SLC20A1: variants seen among roughly 807,000 people sequenced by gnomAD.
SLC20A1 encodes the protein sodium-dependent phosphate transporter 1.
In SLC20A1, 28 loss-of-function variants were observed where a neutral mutation model predicts 62.7. The ratio of observed to expected loss-of-function variants is 0.45; its 90% CI spans 0.33 to 0.61. SLC20A1 has a LOEUF of 0.61. SLC20A1 is among the 20% of genes least tolerant of loss of function. SLC20A1 has a pLI of 0.02. For missense variants in SLC20A1, 673 were observed against 838.6 expected, an observed-to-expected ratio of 0.80 and a Z score of 2.44; for synonymous variants, 305 against 302.9, an observed-to-expected ratio of 1.01 and a Z score of -0.07.
chr2:112,653,832 G>C (rs1283476265), intron 5 of SLC20A1, among the ~76,000 whole-genome samples: 2 of 152,012 alleles, frequency 1.3e-5, no homozygotes, highest in Admixed American at 1.3e-4. Flanking sequence ...TGCTCTTGTT[G>C]CCCAGGCTGG....
chr2:112,662,411 C>G (rs1686774007), intron 10 of SLC20A1, among the ~76,000 whole-genome samples: 1 of 151,992 alleles, frequency 6.6e-6, no homozygotes, highest in Non-Finnish European at 1.5e-5. Flanking sequence ...GAAACCCCAT[C>G]TCTACTAAAA....
intron 5 of SLC20A1, among the ~76,000 whole-genome samples, chr2:112,656,359 G>A (rs1686585930): frequency 6.6e-6 from 1 of 151,788 alleles, no homozygotes; most frequent in African/African-American, 2.4e-5. Flanking sequence ...ACCATGCCCG[G>A]CTAATTTTTT....
chr2:112,655,261 G>A (rs906501470), intron 5 of SLC20A1, among the ~76,000 whole-genome samples: 1 of 151,922 alleles, frequency 6.6e-6, no homozygotes, highest in Non-Finnish European at 1.5e-5. Context: ...GAGCTGCCGC[G>A]TCTGGCCTTG....
At position 112,660,390 on chromosome 2, in the gene SLC20A1, T is replaced by C. The variant is rs1182111234; in HGVS notation, c.1611T>C (p.Asn537=). 6.2e-7 allele frequency: 1 copy of C among 1,613,608 alleles called. No individual in the cohort carries two copies. The highest frequency in any genetic ancestry group is 8.5e-7 in the Non-Finnish European group (1 of 1,179,792). The change falls in exon 9 of 11, where the codon AAT becomes AAC. Residue 537 remains asparagine (N), a synonymous_variant. Transcript: ENST00000272542. ...CTGCCCTCTTTGTTTCTTCCAGCAA[T>C]GCCATTGGGCCTCTGGTTGCTTTAT... is the stretch of plus-strand genomic sequence containing the variant. ...SFAHGGNDVS[N]AIGPLVALYL...
chr2:112,661,477 T>A (rs539551064), intron 10 of SLC20A1, among the ~76,000 whole-genome samples: 22 of 151,668 alleles, frequency 1.5e-4, no homozygotes, highest in South Asian at 8.4e-4. Flanking sequence ...TACTTTATCC[T>A]CCCTCATTGT....
In SLC20A1 at chr2:112,663,020, A is replaced by G; in HGVS notation, c.2035A>G (p.Met679Val). ...MAIFRYVILR[M>V] The stretch of plus-strand genomic sequence containing the variant: ...AATCTTCAGATATGTCATCCTCAGA[A>G]TGTGAAGCTGTTTGAGATTAAAATT... Residue 679 changes from methionine (M) to valine (V), a missense_variant, in exon 11 of 11, where the codon ATG becomes GTG. Met to Val is a conservative substitution (Grantham distance 21). Transcript: ENST00000272542. 1 of 1,614,074 alleles carries G rather than the reference A, an allele frequency of 6.2e-7. No individual in the cohort carries two copies. The highest frequency in any genetic ancestry group is 8.5e-7 in the Non-Finnish European group (1 of 1,179,940).
chr2:112,663,127 CTT>C lies in SLC20A1; in HGVS notation c.*106_*107del, dbSNP rs762832854. On this transcript the variant is annotated 3_prime_UTR_variant, in exon 11 of 11. Coordinates refer to ENST00000272542, the MANE Select transcript of SLC20A1 (RefSeq NM_005415.5). ...GTGTTAACAGAAGACTGACAAGAGT[CTT>C]TTTATTTGGGAGCCAGAGGAGGGAA... 6.6e-6 allele frequency: 9 copies of C among 1,372,628 alleles called. No homozygotes were observed. Among genetic ancestry groups the C allele is most frequent in the Admixed American group, 5.0e-5 (3 of 59,592 alleles). 85.0% of individuals were successfully genotyped at this position (1,372,628 alleles called of 1,614,324 possible).
At chr2:112,647,602 G>T (rs1686319074) in intron 3 of SLC20A1, 51 bp from the exon 4 acceptor site, 1 of 1,590,958 alleles carries the variant, frequency 6.3e-7, no homozygotes, top group South Asian at 1.1e-5. Flanking sequence ...AGTGGTTTTT[G>T]GTTTCTGATT....
Position 112,659,700 on chromosome 2 carries a change from C to G in SLC20A1, c.1545C>G (p.Phe515Leu). The G allele has an allele frequency of 1.2e-6, 2 of 1,614,238 alleles. No individual in the cohort carries two copies. The highest frequency in any genetic ancestry group is 1.7e-6 in the Non-Finnish European group (2 of 1,180,022). Reference protein sequence around the residue: ...DQDKPEVSLLFQFLQILTACF... With the variant: ...DQDKPEVSLLLQFLQILTACF... The stretch of plus-strand genomic sequence containing the variant: ...ATAAGCCTGAAGTCTCTCTCCTCTT[C>G]CAGTTCCTGCAGATCCTTACAGCCT... Residue 515 changes from phenylalanine to leucine, a missense_variant, in exon 8 of 11, where the codon TTC becomes TTG. By Grantham distance (22) the Phe-to-Leu change is conservative (BLOSUM62 0). Transcript: ENST00000272542.
intron 3 of SLC20A1, 43 bp from the exon 4 acceptor site, chr2:112,647,610 A>AT: frequency 6.3e-7 from 1 of 1,594,862 alleles, no homozygotes; most frequent in Non-Finnish European, 8.6e-7. Context: ...TTGGTTTCTG[A>AT]TTTTCATTAT....
rs1406408327 is a variant in SLC20A1, at chr2:112,647,047, C to T, written c.219C>T (p.Gly73=). The T allele has an allele frequency of 6.2e-7, 1 of 1,614,154 alleles. No homozygotes were observed. The highest frequency in any genetic ancestry group is 2.2e-5 in the East Asian group (1 of 44,892). ...TAGCTAGCATCTTTGAAACAGTGGGCTCTGTCTTACTGGGGGCCAAAGTGA... is the reference window on the plus strand; with the variant it reads ...TAGCTAGCATCTTTGAAACAGTGGGTTCTGTCTTACTGGGGGCCAAAGTGA... The part of the protein sequence containing the change: ...CILASIFETV[G]SVLLGAKVSE... Residue 73 remains glycine, a synonymous_variant, in exon 2 of 11, where the codon GGC becomes GGT. Coordinates refer to ENST00000272542, the MANE Select transcript of SLC20A1 (RefSeq NM_005415.5).
intron 4 of SLC20A1, 105 bp downstream of exon 4, chr2:112,647,843 T>C: frequency 2.2e-6 from 2 of 897,282 alleles, no homozygotes; most frequent in Non-Finnish European, 3.6e-6. Context: ...TATGCGGCCT[T>C]GGAAAATTTT....
rs753981077 is a variant in SLC20A1 at position 112,659,648 on chromosome 2, G to T, written c.1493G>T (p.Gly498Val). 18 of 1,614,086 alleles carry T rather than the reference G, an allele frequency of 1.1e-5. No individual in the cohort carries two copies. The highest frequency in any genetic ancestry group is 1.4e-5 in the Non-Finnish European group (17 of 1,180,038). The change falls in exon 8 of 11, where the codon GGC (glycine) becomes GTC (valine). Residue 498 changes from glycine (G) to valine (V), a missense_variant. Coordinates refer to ENST00000272542, the MANE Select transcript of SLC20A1 (RefSeq NM_005415.5). ...MGLGDRKGSN[G>V]SLEEWYDQDK... ...CTAGGTGACAGAAAAGGAAGTAATGGCTCTCTAGAAGAATGGTATGACCAG... is the reference window on the plus strand; with the variant it reads ...CTAGGTGACAGAAAAGGAAGTAATGTCTCTCTAGAAGAATGGTATGACCAG...
chr2:112,652,664 A>T (rs553173239), intron 4 of SLC20A1, 38 bp from the exon 5 acceptor site: 68 of 1,521,284 alleles, frequency 4.5e-5, no homozygotes, highest in Non-Finnish European at 5.7e-5. Flanking sequence ...GTTAACCTTT[A>T]TACCTTTTAA....
At chr2:112,658,756 GA>G in intron 6 of SLC20A1, 68 bp from the exon 7 acceptor site, 1 of 1,491,150 alleles carries the variant, frequency 6.7e-7, no homozygotes. Context: ...GGGGGTGGAG[GA>G]AAGGAGACGT....
chr2:112,657,157 A>G lies in SLC20A1; in HGVS notation c.694A>G (p.Ile232Val). The change falls in exon 6 of 11, where the codon ATC becomes GTC. Residue 232 changes from isoleucine (I) to valine (V), a missense_variant. By Grantham distance (29) the Ile-to-Val change is conservative. Transcript: ENST00000272542. ...GFDKLPLWGT[I>V]LISVGCAVFC... ...TGACAAACTTCCTCTGTGGGGTACC[A>G]TCCTCATCTCGGTGGGATGTGCAGT... The G allele has an allele frequency of 1.2e-6, 2 of 1,608,480 alleles. No homozygotes were observed. The highest frequency in any genetic ancestry group is 1.7e-6 in the Non-Finnish European group (2 of 1,178,478).
chr2:112,657,572 A>C (rs1048479755), intron 6 of SLC20A1, among the ~76,000 whole-genome samples: 3 of 152,202 alleles, frequency 2.0e-5, no homozygotes, highest in African/African-American at 7.2e-5. Flanking sequence ...CATAGCCTAC[A>C]TTTACTGAGA....
chr2:112,654,348 C>T (rs1686527318), intron 5 of SLC20A1, among the ~76,000 whole-genome samples: 1 of 152,172 alleles, frequency 6.6e-6, no homozygotes, highest in South Asian at 2.1e-4. Context: ...TCTTAACACT[C>T]ATTCTTTATG....
At chr2:112,654,987 G>A (rs1468531417) in intron 5 of SLC20A1, among the ~76,000 whole-genome samples, 1 of 35,846 alleles carries the variant, frequency 2.8e-5, no homozygotes, top group Admixed American at 3.0e-4. Flanking sequence ...TTTTTTTTTT[G>A]AGACAGAGTC....
Sources: gnomAD v4.1 joint callset for allele counts (sites outside exome capture counted in the v4.1 genomes callset) on GRCh38, gnomAD v4.1.1 for gene constraint, MANE v1.5 for transcripts, NCBI Gene and HGNC (gene_info 2026-07-23, HGNC 2026-07-21) for gene names.